Variants in ZNF267 observed in about 807,000 individuals in gnomAD.
The protein encoded by ZNF267 is zinc finger (C2H2).
In ZNF267, 61 loss-of-function variants were observed where a neutral mutation model predicts 71.6. That is an observed-to-expected ratio of 0.85 (90% CI 0.69 to 1.05). The LOEUF (loss-of-function observed/expected upper bound fraction) is 1.05, where lower values mean the gene tolerates loss of function less well. Among genes scored for constraint, ZNF267 ranks in the 50% least tolerant of loss-of-function variants. ZNF267 has a pLI of 0.00. For synonymous variants in ZNF267, 288 were observed against 293.2 expected (o/e 0.98, Z 0.18); for missense variants, 852 against 870.0 (o/e 0.98, Z 0.26).
At chr16:31,881,856 G>C (rs896416020) in intron 1 of ZNF267, among the ~76,000 whole-genome samples, 1 of 151,756 alleles carries the variant, frequency 6.6e-6, no homozygotes, top group Non-Finnish European at 1.5e-5. Flanking sequence ...GTAGAGACAG[G>C]GTTTCACAAT....
Position 31,916,501 on chromosome 16 carries a change from G to T in ZNF267, c.*20G>T, listed in dbSNP as rs1286378284. 1 of 1,590,964 alleles carries T rather than the reference G, an allele frequency of 6.3e-7. No homozygotes were observed. On this transcript the variant is annotated 3_prime_UTR_variant, in exon 4 of 4. Coordinates refer to ENST00000300870, the MANE Select transcript of ZNF267 (RefSeq NM_003414.6). The stretch of plus-strand genomic sequence containing the variant: ...CTTTAAAAATGTAAAACATGGAGCA[G>T]ATTTTTTACTTGTTACCCATGTCTT...
chr16:31,912,211 T>G (rs756559863), intron 3 of ZNF267: 3 of 151,766 alleles, frequency 2.0e-5, no homozygotes, highest in Non-Finnish European at 4.4e-5. Flanking sequence ...GAATGCCCCT[T>G]AGTATTACTT....
chr16:31,875,416 C>A, intron 1 of ZNF267: 1 of 973,488 alleles, frequency 1.0e-6, no homozygotes. Context: ...GATTTTATTT[C>A]TTCAAAGCTA....
At position 31,915,708 on chromosome 16, in the gene ZNF267, A is replaced by C. The variant is rs1178799382; in HGVS notation, c.1459A>C (p.Thr487Pro). 1.2e-6 allele frequency: 2 copies of C among 1,613,638 alleles called. No individual in the cohort carries two copies. Among genetic ancestry groups the C allele is most frequent in the Admixed American group, 3.3e-5 (2 of 59,988 alleles). ...SNLIMHQRVH[T>P]GEKPYKCKEC... is the part of the protein sequence containing the mutation. Reference sequence around the variant, plus strand: ...TCTTATTATGCATCAGAGAGTTCATACTGGAGAGAAGCCTTATAAATGTAA... The same window carrying C: ...TCTTATTATGCATCAGAGAGTTCATCCTGGAGAGAAGCCTTATAAATGTAA... Residue 487 changes from threonine to proline, a missense_variant, in exon 4 of 4, where the codon ACT becomes CCT. Physicochemically the swap from Thr to Pro is conservative, Grantham distance 38. Coordinates refer to ENST00000300870, the MANE Select transcript of ZNF267 (RefSeq NM_003414.6).
chr16:31,902,305 A>G (rs2084048220), intron 3 of ZNF267, among the ~76,000 whole-genome samples: 1 of 151,882 alleles, frequency 6.6e-6, no homozygotes, highest in East Asian at 1.9e-4. Flanking sequence ...ATGATCTTTA[A>G]AGTAGTTTTT....
intron 3 of ZNF267, among the ~76,000 whole-genome samples, chr16:31,907,664 G>T (rs1365978278): frequency 6.6e-6 from 1 of 152,130 alleles, no homozygotes; most frequent in Non-Finnish European, 1.5e-5. Flanking sequence ...CTACTTTGGA[G>T]GTTGAAGTTG....
At chr16:31,880,285 A>G (rs1342190131) in intron 1 of ZNF267, among the ~76,000 whole-genome samples, 2 of 152,180 alleles carry the variant, frequency 1.3e-5, no homozygotes, top group African/African-American at 4.8e-5. Flanking sequence ...TCCTTTTTAT[A>G]AACAGAATCT....
chr16:31,885,028 T>A lies in ZNF267; in HGVS notation c.131-133T>A, dbSNP rs914490879. On this transcript the variant is annotated intron_variant, in intron 2 of 3. Transcript: ENST00000300870. ...AATACTTTTCAAGAATCTTCTATAA[T>A]GTCTTATTTTTTCTACTGAGCACAG... 3 of 569,546 alleles carry A rather than the reference T, an allele frequency of 5.3e-6. No homozygotes were observed. In the Admixed American group the frequency reaches 1.2e-4, roughly 22 times the overall value. 35.3% of individuals were successfully genotyped at this position (569,546 alleles called of 1,614,324 possible).
chr16:31,878,958 A>C (rs1197757765), intron 1 of ZNF267, among the ~76,000 whole-genome samples: 2 of 151,944 alleles, frequency 1.3e-5, no homozygotes, highest in African/African-American at 4.8e-5. Flanking sequence ...TTTTTTTCTT[A>C]AAGCATTTAC....
intron 1 of ZNF267, among the ~76,000 whole-genome samples, chr16:31,882,362 T>A (rs2083896522): frequency 6.6e-6 from 1 of 152,194 alleles, no homozygotes; most frequent in African/African-American, 2.4e-5. Flanking sequence ...ACGAAAAGTA[T>A]TTTTGTTGTG....
intron 3 of ZNF267, among the ~76,000 whole-genome samples, chr16:31,899,942 T>C (rs891699252): frequency 6.6e-6 from 1 of 152,106 alleles, no homozygotes; most frequent in African/African-American, 2.4e-5. Flanking sequence ...TTTTAGAAAT[T>C]AATCTAGCTG....
At chr16:31,911,953 A>G (rs1177853366) in intron 3 of ZNF267, 1 of 150,128 alleles carries the variant, frequency 6.7e-6, no homozygotes, top group African/African-American at 2.5e-5. Context: ...TAAAAACTCT[A>G]CCTTTAACTT....
At chr16:31,892,012 T>C (rs1375955647) in intron 3 of ZNF267, among the ~76,000 whole-genome samples, 2 of 152,218 alleles carry the variant, frequency 1.3e-5, no homozygotes, top group African/African-American at 4.8e-5. Context: ...AAAATGCTGA[T>C]AATGATACGG....
rs776993068 is a variant in ZNF267, at chr16:31,884,516, G to A, written c.22G>A (p.Asp8Asn). The A allele has an allele frequency of 6.2e-7, 1 of 1,614,152 alleles. No individual in the cohort carries two copies. The highest frequency in any genetic ancestry group is 1.1e-5 in the South Asian group (1 of 91,084). Residue 8 changes from aspartate to asparagine, a missense_variant, in exon 2 of 4, where the codon GAT (aspartate) becomes AAT (asparagine). Asp to Asn is a conservative substitution (Grantham distance 23). Transcript: ENST00000300870. MGLLTFR[D>N]VAVEFSLEEW... is the part of the protein sequence containing the mutation. The stretch of plus-strand genomic sequence containing the variant: ...ATTTCAGGGACTGTTGACATTCAGG[G>A]ATGTGGCCGTAGAATTCTCTTTGGA...
At chr16:31,890,046 A>G (rs2083949586) in intron 3 of ZNF267, among the ~76,000 whole-genome samples, 1 of 152,244 alleles carries the variant, frequency 6.6e-6, no homozygotes, top group Non-Finnish European at 1.5e-5. Context: ...TTGGTTTAAC[A>G]TATGATCTAT....
At chr16:31,877,991 G>T (rs1375663094) in intron 1 of ZNF267, among the ~76,000 whole-genome samples, 1 of 152,168 alleles carries the variant, frequency 6.6e-6, no homozygotes, top group Non-Finnish European at 1.5e-5. Context: ...CAGTAGCTTG[G>T]AAGTATAGAT....
At chr16:31,899,261 A>C (rs1330089362) in intron 3 of ZNF267, among the ~76,000 whole-genome samples, 1 of 152,210 alleles carries the variant, frequency 6.6e-6, no homozygotes, top group Non-Finnish European at 1.5e-5. Context: ...ACTTATTCTA[A>C]AATTGACCAC....
At position 31,916,664 on chromosome 16, in the gene ZNF267, G is replaced by A. The variant is rs2084180923; in HGVS notation, c.*183G>A. 1.5e-6 allele frequency: 1 copy of A among 668,532 alleles called. No homozygotes were observed. The highest frequency in any genetic ancestry group is 3.1e-5 in the Admixed American group (1 of 32,756). The allele number at this position is 668,532 out of a possible 1,614,324, so 41.4% of individuals were successfully genotyped here. A position where few individuals can be genotyped will look rare whatever the true frequency, so the allele number is the denominator to read the frequency against. On this transcript the variant is annotated 3_prime_UTR_variant, in exon 4 of 4. Coordinates refer to ENST00000300870, the MANE Select transcript of ZNF267 (RefSeq NM_003414.6). ...AATCCATACAAATATTAAAAATGTG[G>A]CAAATTATTTTAAACTGTGCTCAAC...
At position 31,915,473 on chromosome 16, in the gene ZNF267, C is replaced by CA. The variant is rs2084168394; in HGVS notation, c.1227dup (p.Cys410MetfsTer2). 6.2e-7 allele frequency: 1 copy of CA among 1,613,522 alleles called. No individual in the cohort carries two copies. The highest frequency in any genetic ancestry group is 1.3e-5 in the African/African-American group (1 of 74,856). On this transcript the variant is annotated frameshift_variant, in exon 4 of 4. Coordinates refer to ENST00000300870, the MANE Select transcript of ZNF267 (RefSeq NM_003414.6). LOFTEE classifies it high-confidence loss of function. ...GAATTCACACTGGAGAGAAACCATA[C>CA]AAATGTAAAGAATGTGGCAAAGCCT...
Sources: allele counts gnomAD v4.1 joint callset (sites outside exome capture counted in the v4.1 genomes callset), GRCh38; gene constraint gnomAD v4.1.1; transcripts MANE v1.5; gene names NCBI Gene and HGNC (gene_info 2026-07-23, HGNC 2026-07-21).